Variants in ZNF432 observed in about 807,000 individuals in gnomAD.
The protein encoded by ZNF432 is zinc finger protein 432.
Under a neutral mutation model 13.9 loss-of-function variants are expected in ZNF432, and 10 were observed. The observed-to-expected ratio is 0.72, with a 90% CI of 0.44 to 1.22. ZNF432 has a LOEUF of 1.22. Among genes scored for constraint, ZNF432 ranks in the 50% most tolerant of loss-of-function variants. The pLI is 0.00. For synonymous variants in ZNF432, 247 were observed against 256.2 expected, an observed-to-expected ratio of 0.96 and a Z score of 0.34; for missense variants, 793 against 796.2, an observed-to-expected ratio of 1.00 and a Z score of 0.05.
chr19:52,040,299 A>G lies in ZNF432; in HGVS notation c.238+189T>C, dbSNP rs1294297987. On this transcript the variant is annotated intron_variant, in intron 4 of 4. Transcript: ENST00000221315. ...GGTAGAGGACATTCAATACAACACCAGCACAGACAGGACAGATGTATGGTA... is the reference window on the plus strand; with the variant it reads ...GGTAGAGGACATTCAATACAACACCGGCACAGACAGGACAGATGTATGGTA... 6 of 610,874 alleles carry G rather than the reference A, an allele frequency of 9.8e-6. No individual in the cohort carries two copies. The African/African-American group carries it at 1.1e-4, about 11-fold the overall frequency. 37.8% of individuals were successfully genotyped at this position (610,874 alleles called of 1,614,324 possible). A position where few individuals can be genotyped will look rare whatever the true frequency, so the allele number is the denominator to read the frequency against.
chr19:52,037,248 C>T (rs2087090731), intron 4 of ZNF432, among the ~76,000 whole-genome samples: 1 of 152,196 alleles, frequency 6.6e-6, no homozygotes, highest in Admixed American at 6.5e-5. Context: ...TGCCCCTCTT[C>T]AATCTGTAGA....
chr19:52,035,060 A>G lies in ZNF432; in HGVS notation c.619T>C (p.Cys207Arg). 6.2e-7 allele frequency: 1 copy of G among 1,614,144 alleles called. No homozygotes were observed. Among genetic ancestry groups the G allele is most frequent in the Non-Finnish European group, 8.5e-7 (1 of 1,180,034 alleles). The change falls in exon 5 of 5, where the codon TGC becomes CGC. Residue 207 changes from cysteine (C) to arginine (R), a missense_variant. Transcript: ENST00000221315. ...RTHEIEKNHVCSECGKAFVKK... is the reference protein window; with the variant it reads ...RTHEIEKNHVRSECGKAFVKK... ...ACAAACGCTTTCCCACATTCACTGCATACGTGGTTTTTTTCTATTTCATGA... is the reference window on the plus strand; with the variant it reads ...ACAAACGCTTTCCCACATTCACTGCGTACGTGGTTTTTTTCTATTTCATGA...
rs151015524 is a variant in ZNF432, at chr19:52,040,500, G to A, written c.226C>T (p.Arg76Ter). 190 of 1,613,872 alleles carry A rather than the reference G, an allele frequency of 1.2e-4. No individual in the cohort carries two copies. Among genetic ancestry groups the A allele is most frequent in the Non-Finnish European group, 1.5e-4 (179 of 1,179,946 alleles). Residue 76 changes from arginine to a stop codon, truncating the protein, a stop_gained, in exon 4 of 5, where the codon CGA becomes TGA. Coordinates refer to ENST00000221315, the MANE Select transcript of ZNF432 (RefSeq NM_014650.4). LOFTEE classifies it low-confidence loss of function (END_TRUNC). ...PWTMEDERHSRICPENNEVDD... is the reference protein window; with the variant it reads ...PWTMEDERHS ...GCTTCTCACATACCTGGACAGATTC[G>A]ACTGTGCCTTTCATCTTCCATTGTC...
rs2087038406 is a variant in ZNF432, at chr19:52,033,757, A to G, written c.1922T>C (p.Ile641Thr). The change falls in exon 5 of 5, where the codon ATT becomes ACT. Residue 641 changes from isoleucine (I) to threonine (T), a missense_variant. Coordinates refer to ENST00000221315, the MANE Select transcript of ZNF432 (RefSeq NM_014650.4). ...RKAFSSKRNLIVHQRTHNGNK... is the reference protein window; with the variant it reads ...RKAFSSKRNLTVHQRTHNGNK... ...TCCATTATGAGTTCGCTGATGTACA[A>G]TGAGATTTCTCTTTGAGGAGAAGGC... 3 of 1,604,586 alleles carry G rather than the reference A, an allele frequency of 1.9e-6. No individual in the cohort carries two copies. The highest frequency in any genetic ancestry group is 1.7e-6 in the Non-Finnish European group (2 of 1,176,614).
intron 2 of ZNF432, among the ~76,000 whole-genome samples, chr19:52,042,611 C>A (rs1022751086): frequency 6.6e-6 from 1 of 152,052 alleles, no homozygotes; most frequent in African/African-American, 2.4e-5. Context: ...ATGAAGGAGA[C>A]TTTACTAAAT....
intron 2 of ZNF432, among the ~76,000 whole-genome samples, chr19:52,044,139 G>A (rs1309086592): frequency 3.3e-5 from 5 of 151,984 alleles, no homozygotes; most frequent in Admixed American, 3.3e-4. Context: ...TAATCACAGA[G>A]ATTAATACAC....
intron 2 of ZNF432, 39 bp downstream of exon 2, chr19:52,046,815 T>C: frequency 6.2e-7 from 1 of 1,603,988 alleles, no homozygotes; most frequent in Admixed American, 1.7e-5. Flanking sequence ...ACAAATCCAC[T>C]ATGGAATAAA....
chr19:52,047,710 TGAA>T (rs2087200037), intron 1 of ZNF432, among the ~76,000 whole-genome samples: 1 of 148,734 alleles, frequency 6.7e-6, no homozygotes, highest in Admixed American at 6.7e-5. Flanking sequence ...CACTTCAATA[TGAA>T]GAACAAGAAA....
At chr19:52,036,470 GC>G (rs1280294069) in intron 4 of ZNF432, among the ~76,000 whole-genome samples, 2 of 152,204 alleles carry the variant, frequency 1.3e-5, no homozygotes, top group African/African-American at 4.8e-5. Flanking sequence ...TATGGCTTGA[GC>G]CACTGGGTAG....
chr19:52,045,031 A>G (rs1313542234), intron 2 of ZNF432, among the ~76,000 whole-genome samples: 1 of 152,220 alleles, frequency 6.6e-6, no homozygotes, highest in African/African-American at 2.4e-5. Context: ...AATTCTCATT[A>G]TAAGAAAATT....
In ZNF432 at chr19:52,032,637, T is replaced by TC. The variant is rs2087026291; in HGVS notation, c.*1082_*1083insG. The TC allele has an allele frequency of 6.6e-6, 1 of 152,056 alleles. No homozygotes were observed. Among genetic ancestry groups the TC allele is most frequent in the Non-Finnish European group, 1.5e-5 (1 of 68,018 alleles). The allele number at this position is 152,056 out of a possible 1,614,324, so 9.4% of individuals were successfully genotyped here. ...TTTAGTAGAGAGGGGGGCTTCACCA[T>TC]GTTGGTCAGGCTGGTCTCGAACTCC... On this transcript the variant is annotated 3_prime_UTR_variant, in exon 5 of 5. Transcript: ENST00000221315.
At position 52,035,068 on chromosome 19, in the gene ZNF432, T is replaced by C. The variant is rs2087064152; in HGVS notation, c.611A>G (p.Asn204Ser). 1.2e-6 allele frequency: 2 copies of C among 1,614,050 alleles called. No individual in the cohort carries two copies. The highest frequency in any genetic ancestry group is 1.7e-6 in the Non-Finnish European group (2 of 1,180,010). The change falls in exon 5 of 5, where the codon AAC becomes AGC. Residue 204 changes from asparagine to serine, a missense_variant. Coordinates refer to ENST00000221315, the MANE Select transcript of ZNF432 (RefSeq NM_014650.4). ...KHQRTHEIEK[N>S]HVCSECGKAF... ...TTTCCCACATTCACTGCATACGTGG[T>C]TTTTTTCTATTTCATGAGTTCTCTG... is the stretch of plus-strand genomic sequence containing the variant.
intron 4 of ZNF432, among the ~76,000 whole-genome samples, chr19:52,038,171 C>T (rs1356875294): frequency 6.6e-6 from 1 of 152,152 alleles, no homozygotes; most frequent in Non-Finnish European, 1.5e-5. Context: ...TGAATATTAC[C>T]ATGTTTCTGC....
rs1186595025 is a variant in ZNF432, at chr19:52,034,845, TTCAA to T, written c.830_833del (p.Ile277AsnfsTer107). 1 of 1,613,810 alleles carries T rather than the reference TTCAA, an allele frequency of 6.2e-7. No individual in the cohort carries two copies. The highest frequency in any genetic ancestry group is 1.1e-5 in the South Asian group (1 of 90,996). On this transcript the variant is annotated frameshift_variant, in exon 5 of 5. Transcript: ENST00000221315. LOFTEE classifies it low-confidence loss of function (END_TRUNC). ...TCTCTCCAGTATGAGTTCGCTGATG[TTCAA>T]TCAGACGGCTCTTCATAGTGAAGAC...
At chr19:52,044,121 T>A (rs2123159906) in intron 2 of ZNF432, among the ~76,000 whole-genome samples, 2 of 152,052 alleles carry the variant, frequency 1.3e-5, no homozygotes, top group East Asian at 3.9e-4. Flanking sequence ...GGATAATCTA[T>A]CCCCATATAA....
In ZNF432 at chr19:52,047,961, C is replaced by T. The variant is rs578092837; in HGVS notation, c.-193+734G>A. Reference sequence around the variant, plus strand: ...ATGTTAAATAGAAAGCCTATTCATCCGCCCCCCTTCACCCCCAAAAAACTT... The same window carrying T: ...ATGTTAAATAGAAAGCCTATTCATCTGCCCCCCTTCACCCCCAAAAAACTT... On this transcript the variant is annotated intron_variant, in intron 1 of 4. Coordinates refer to ENST00000221315, the MANE Select transcript of ZNF432 (RefSeq NM_014650.4). Among the ~76,000 whole-genome samples the T allele has an allele frequency of 9.2e-5, 14 of 152,028 alleles. No individual in the cohort carries two copies. The South Asian group carries it at 1.2e-3, about 14-fold the overall frequency.
rs1600048774 is a variant in ZNF432 at position 52,035,345 on chromosome 19, T to C, written c.334A>G (p.Asn112Asp). 1.2e-6 allele frequency: 2 copies of C among 1,612,616 alleles called. No homozygotes were observed. Among genetic ancestry groups the C allele is most frequent in the East Asian group, 4.5e-5 (2 of 44,852 alleles). The change falls in exon 5 of 5, where the codon AAT (asparagine) becomes GAT (aspartate). Residue 112 changes from asparagine (N) to aspartate (D), a missense_variant. By Grantham distance (23) the Asn-to-Asp change is conservative. Transcript: ENST00000221315. Reference sequence around the variant, plus strand: ...AGGCTTTTGGTTTGAGAGGCAGTATTTCCAAATGCATTATGTTCATGGTAT... The same window carrying C: ...AGGCTTTTGGTTTGAGAGGCAGTATCTCCAAATGCATTATGTTCATGGTAT... The part of the protein sequence containing the change: ...EQYHEHNAFG[N>D]TASQTKSLCL...
At position 52,035,379 on chromosome 19, in the gene ZNF432, ACT is replaced by A. The variant is rs1568520923; in HGVS notation, c.298_299del (p.Ser100CysfsTer6). ...CATTATGTTCATGGTATTGTTCCACACTCTTCAGCATCCTTTGATTTTCCAAG... is the reference window on the plus strand; with the variant it reads ...CATTATGTTCATGGTATTGTTCCACACTTCAGCATCCTTTGATTTTCCAAG... The part of the protein sequence containing the change: ...DHLENQRMLK[S>X]VEQYHEHNAF... On this transcript the variant is annotated frameshift_variant, in exon 5 of 5. Transcript: ENST00000221315. LOFTEE classifies it low-confidence loss of function (END_TRUNC). The A allele has an allele frequency of 6.3e-7, 1 of 1,596,582 alleles. No individual in the cohort carries two copies. Among genetic ancestry groups the A allele is most frequent in the East Asian group, 2.2e-5 (1 of 44,776 alleles).
chr19:52,037,707 T>G (rs984262344), intron 4 of ZNF432, among the ~76,000 whole-genome samples: 3 of 150,838 alleles, frequency 2.0e-5, no homozygotes, highest in Non-Finnish European at 4.4e-5. Flanking sequence ...GGAGGATCGC[T>G]TGAGCCCAGG....
Sources: allele counts gnomAD v4.1 joint callset (sites outside exome capture counted in the v4.1 genomes callset), GRCh38; gene constraint gnomAD v4.1.1; transcripts MANE v1.5; gene names NCBI Gene and HGNC (gene_info 2026-07-23, HGNC 2026-07-21).